Variants in TMEM231 observed in about 807,000 individuals in gnomAD.
The protein encoded by TMEM231 is transmembrane protein 231.
In TMEM231, 40 loss-of-function variants were observed where a neutral mutation model predicts 38.5. The ratio of observed to expected loss-of-function variants is 1.04; its 90% confidence interval spans 0.81 to 1.35. TMEM231 has a LOEUF of 1.35. Among genes scored for constraint, TMEM231 ranks in the 40% most tolerant of loss-of-function variants. TMEM231 has a pLI of 0.00. For synonymous variants in TMEM231, 199 were observed against 181.7 expected (o/e 1.10, Z -0.77); for missense variants, 420 against 416.9 (o/e 1.01, Z -0.07).
Position 75,556,248 on chromosome 16 carries a change from A to C in TMEM231, c.-39T>G. 1.4e-6 allele frequency: 2 copies of C among 1,392,598 alleles called. No individual in the cohort carries two copies. Among genetic ancestry groups the C allele is most frequent in the Non-Finnish European group, 1.9e-6 (2 of 1,077,496 alleles). 86.3% of individuals were successfully genotyped at this position (1,392,598 alleles called of 1,614,324 possible). On this transcript the variant is annotated 5_prime_UTR_variant, in exon 1 of 7. Transcript: ENST00000258173. Reference sequence around the variant, plus strand: ...AGGCACTCCGCGAGCCGGGGGACCAAGTTTGGCTTCTCCTGGTTGCCATCG... The same window carrying C: ...AGGCACTCCGCGAGCCGGGGGACCACGTTTGGCTTCTCCTGGTTGCCATCG...
chr16:75,544,855 C>G (rs968656979), intron 4 of TMEM231, among the ~76,000 whole-genome samples: 1 of 151,658 alleles, frequency 6.6e-6, no homozygotes, highest in East Asian at 1.9e-4. Context: ...TGTACCTTCT[C>G]TGTAGTTTGA....
At chr16:75,543,294 T>C (rs368295739) in intron 4 of TMEM231, among the ~76,000 whole-genome samples, 58 of 152,172 alleles carry the variant, frequency 3.8e-4, no homozygotes, top group African/African-American at 1.3e-3. Flanking sequence ...AAGCCAGGCA[T>C]GGAAGCTCAC....
Position 75,537,232 on chromosome 16 carries a change from C to T in TMEM231, c.*2762G>A, listed in dbSNP as rs1300810933. 6.7e-6 allele frequency: 1 copy of T among 149,112 alleles called. No individual in the cohort carries two copies. The highest frequency in any genetic ancestry group is 2.5e-5 in the African/African-American group (1 of 40,450). 9.2% of individuals were successfully genotyped at this position (149,112 alleles called of 1,614,324 possible). On this transcript the variant is annotated 3_prime_UTR_variant, in exon 7 of 7. Transcript: ENST00000258173. ...CTGTACACCAAACCCCCAGGTTGTACAATTTAGCTATATACGAAACCCATA... is the reference window on the plus strand; with the variant it reads ...CTGTACACCAAACCCCCAGGTTGTATAATTTAGCTATATACGAAACCCATA...
At chr16:75,543,187 C>T (rs906237511) in intron 4 of TMEM231, among the ~76,000 whole-genome samples, 15 of 151,306 alleles carry the variant, frequency 9.9e-5, no homozygotes, top group Admixed American at 2.6e-4. Context: ...AGTTCAAGGC[C>T]GTAGTCAATG....
At position 75,556,087 on chromosome 16, in the gene TMEM231, C is replaced by T. The variant is rs2080807827; in HGVS notation, c.123G>A (p.Val41=). The change falls in exon 1 of 7, where the codon GTG becomes GTA. Residue 41 remains valine (V), a synonymous_variant. Coordinates refer to ENST00000258173, the MANE Select transcript of TMEM231 (RefSeq NM_001077418.3). ...AALTYIPPLL[V]AFRSHGFWLK... ...CAGGCTCACCGTGGCTCCGGAAGGC[C>T]ACCAGCAGCGGCGGGATGTACGTGA... 1 of 1,569,372 alleles carries T rather than the reference C, an allele frequency of 6.4e-7. No individual in the cohort carries two copies. The highest frequency in any genetic ancestry group is 1.4e-5 in the African/African-American group (1 of 73,830).
At chr16:75,546,423 AG>A (rs2080692317) in intron 2 of TMEM231, among the ~76,000 whole-genome samples, 2 of 152,018 alleles carry the variant, frequency 1.3e-5, no homozygotes. Flanking sequence ...CAAACTCAAC[AG>A]AAAATCACCA....
Position 75,555,797 on chromosome 16 carries a change from C to A in TMEM231, c.309+7G>T. The A allele has an allele frequency of 6.5e-7, 1 of 1,527,596 alleles. No homozygotes were observed. The allele number at this position is 1,527,596 out of a possible 1,614,324, so 94.6% of individuals were successfully genotyped here. A position where few individuals can be genotyped will look rare whatever the true frequency, so the allele number is the denominator to read the frequency against. ...CTCTGCCCCAGGCCCAGGCGGGAAC[C>A]ACGCACCGAAACGAGCGGGACGCGC... On this transcript the variant is annotated splice_region_variant and intron_variant, in intron 2 of 6. Coordinates refer to ENST00000258173, the MANE Select transcript of TMEM231 (RefSeq NM_001077418.3).
rs2080604166 is a variant in TMEM231 at position 75,540,098 on chromosome 16, C to T, written c.847G>A (p.Val283Met). Residue 283 changes from valine to methionine, a missense_variant, in exon 7 of 7, where the codon GTG (valine) becomes ATG (methionine). Physicochemically the swap from Val to Met is conservative, Grantham distance 21. Transcript: ENST00000258173. The part of the protein sequence containing the change: ...YVSILLIFLW[V>M]FERIKIFVFQ... ...ACGAAGATCTTGATTCTTTCAAACA[C>T]CCAGAGGAAGATAAGCAGGATGCTG... 1.2e-6 allele frequency: 2 copies of T among 1,613,728 alleles called. No individual in the cohort carries two copies. Among genetic ancestry groups the T allele is most frequent in the African/African-American group, 1.3e-5 (1 of 74,922 alleles).
chr16:75,545,325 G>A, intron 4 of TMEM231, 27 bp downstream of exon 4: 2 of 1,601,752 alleles, frequency 1.2e-6, no homozygotes, highest in South Asian at 2.2e-5. Flanking sequence ...AGAAACAAAG[G>A]AGCTGGACAA....
chr16:75,551,782 T>C (rs900417059), intron 2 of TMEM231, among the ~76,000 whole-genome samples: 2 of 151,830 alleles, frequency 1.3e-5, no homozygotes, highest in South Asian at 2.1e-4. Flanking sequence ...ACCAACATGA[T>C]GAAATCCCGT....
chr16:75,549,166 C>T (rs1283346102), intron 2 of TMEM231, among the ~76,000 whole-genome samples: 1 of 152,142 alleles, frequency 6.6e-6, no homozygotes, highest in Admixed American at 6.5e-5. Context: ...CTGGGGCTGG[C>T]GAAGTTTGGC....
chr16:75,556,239 G>T lies in TMEM231; in HGVS notation c.-30C>A, dbSNP rs2080810566. 2.2e-6 allele frequency: 3 copies of T among 1,393,926 alleles called. No homozygotes were observed. Among genetic ancestry groups the T allele is most frequent in the Non-Finnish European group, 1.9e-6 (2 of 1,078,208 alleles). The allele number at this position is 1,393,926 out of a possible 1,614,324, so 86.3% of individuals were successfully genotyped here. ...ACCGCTCGCAGGCACTCCGCGAGCC[G>T]GGGGACCAAGTTTGGCTTCTCCTGG... On this transcript the variant is annotated 5_prime_UTR_variant, in exon 1 of 7. Coordinates refer to ENST00000258173, the MANE Select transcript of TMEM231 (RefSeq NM_001077418.3).
chr16:75,548,085 G>A (rs939264523), intron 2 of TMEM231, among the ~76,000 whole-genome samples: 1 of 152,116 alleles, frequency 6.6e-6, no homozygotes, highest in Admixed American at 6.6e-5. Flanking sequence ...CCATTACACA[G>A]ATGACAAAAT....
chr16:75,545,993 A>G (rs1175644155), intron 2 of TMEM231, 39 bp from the exon 3 acceptor site: 3 of 1,557,922 alleles, frequency 1.9e-6, no homozygotes, highest in East Asian at 2.4e-5. Context: ...CTGGTCACTA[A>G]TGAGTCTGGG....
intron 2 of TMEM231, 24 bp downstream of exon 2, chr16:75,555,780 C>G (rs756067659): frequency 1.3e-6 from 2 of 1,503,656 alleles, no homozygotes; most frequent in Admixed American, 4.2e-5. Flanking sequence ...GACTCTGCCC[C>G]AGGCCCAGGC....
At chr16:75,555,771 A>C (rs1421744875) in intron 2 of TMEM231, 33 bp downstream of exon 2, 2 of 1,482,172 alleles carry the variant, frequency 1.3e-6, no homozygotes, top group Non-Finnish European at 1.8e-6. Flanking sequence ...CCTATCCCCG[A>C]CTCTGCCCCA....
intron 2 of TMEM231, chr16:75,546,224 G>A: frequency 4.3e-6 from 4 of 920,552 alleles, no homozygotes; most frequent in African/African-American, 1.7e-5. Context: ...GATAGTATTT[G>A]TGCCTTTCAG....
chr16:75,541,062 G>A (rs1164253984), intron 6 of TMEM231, among the ~76,000 whole-genome samples: 1 of 152,106 alleles, frequency 6.6e-6, no homozygotes, highest in Non-Finnish European at 1.5e-5. Context: ...CACCGAGGCT[G>A]GAGTACAGTG....
rs1227221358 is a variant in TMEM231, at chr16:75,537,882, T to G, written c.*2112A>C. 3 of 152,166 alleles carry G rather than the reference T, an allele frequency of 2.0e-5. No individual in the cohort carries two copies. The highest frequency in any genetic ancestry group is 7.2e-5 in the African/African-American group (3 of 41,434). The allele number at this position is 152,166 out of a possible 1,614,324, so 9.4% of individuals were successfully genotyped here. On this transcript the variant is annotated 3_prime_UTR_variant, in exon 7 of 7. Transcript: ENST00000258173. Reference sequence around the variant, plus strand: ...ATAATTTCATATTCACCAGACACAGTCATAATTATCCAACACGTAGATTTC... The same window carrying G: ...ATAATTTCATATTCACCAGACACAGGCATAATTATCCAACACGTAGATTTC...
Sources: gnomAD v4.1 joint callset for allele counts (sites outside exome capture counted in the v4.1 genomes callset) on GRCh38, gnomAD v4.1.1 for gene constraint, MANE v1.5 for transcripts, NCBI Gene and HGNC (gene_info 2026-07-23, HGNC 2026-07-21) for gene names.